PNMA6E: variants seen among roughly 807,000 people sequenced by gnomAD.
PNMA6E encodes paraneoplastic antigen Ma6E.
For synonymous variants in PNMA6E, 43 were observed against 17.1 expected (o/e 2.52, Z -3.74); for missense variants, 78 against 50.8 (o/e 1.53, Z -1.63).
the PNMA6E span, among the ~76,000 whole-genome samples, chrX:153,409,925 G>C: frequency 4.9e-4 from 55 of 112,317 alleles, no homozygotes; most frequent in African/African-American, 1.6e-3. Flanking sequence ...AGGTCCCCCC[G>C]CCCCCTGCCT....
the PNMA6E span, among the ~76,000 whole-genome samples, chrX:153,409,958 G>A: frequency 8.9e-6 from 1 of 112,623 alleles, no homozygotes; most frequent in Non-Finnish European, 1.9e-5. Context: ...AGGACTCTGG[G>A]CTCAGCCTAT....
upstream of PNMA6E, among the ~76,000 whole-genome samples, chrX:153,405,164 G>T (rs1556971950): frequency 8.9e-6 from 1 of 112,210 alleles, no homozygotes; most frequent in East Asian, 2.8e-4. Context: ...CCCTAAGCCG[G>T]AACCTCCCAG....
the PNMA6E span, among the ~76,000 whole-genome samples, chrX:153,411,227 T>C: frequency 8.9e-6 from 1 of 112,504 alleles, no homozygotes; most frequent in Middle Eastern, 4.2e-3. Flanking sequence ...GTCTAGCCCA[T>C]GGGAGGTGTT....
At chrX:153,409,758 A>G in the PNMA6E span, among the ~76,000 whole-genome samples, 1 of 111,189 alleles carries the variant, frequency 9.0e-6, no homozygotes, top group Non-Finnish European at 1.9e-5. Flanking sequence ...AGTGGGGTGC[A>G]CTCCCAGGGG....
At chrX:153,404,925 G>A (rs1429427352), upstream of PNMA6E, among the ~76,000 whole-genome samples, 2 of 112,438 alleles carry the variant, frequency 1.8e-5, no homozygotes, top group Admixed American at 1.9e-4. Context: ...ACCCCCTATG[G>A]TTTCTGCCTC....
chrX:153,407,548 G>T, the PNMA6E span, among the ~76,000 whole-genome samples: 1 of 110,946 alleles, frequency 9.0e-6, no homozygotes, highest in African/African-American at 3.3e-5. Context: ...ACTTTTTTAT[G>T]TTTTGTAGAG....
At chrX:153,398,984 T>G in intron 1 of PNMA6E, 64 bp from the exon 2 acceptor site, 1 of 294,270 alleles carries the variant, frequency 3.4e-6, no homozygotes. Context: ...CATCTGCCCC[T>G]ACGTGTGTGG....
the PNMA6E span, among the ~76,000 whole-genome samples, chrX:153,410,444 CA>C: frequency 1.8e-5 from 2 of 111,741 alleles, no homozygotes; most frequent in African/African-American, 3.3e-5. Context: ...GCTTGGGCAC[CA>C]GGACACACAG....
At chrX:153,403,367 T>G (rs2088863085), upstream of PNMA6E, among the ~76,000 whole-genome samples, 1 of 112,400 alleles carries the variant, frequency 8.9e-6, no homozygotes, top group South Asian at 3.7e-4. Context: ...GGTTCTTTAC[T>G]TACACTTGCA....
At chrX:153,401,043 C>T (rs1160612329) in intron 1 of PNMA6E, among the ~76,000 whole-genome samples, 3 of 109,642 alleles carry the variant, frequency 2.7e-5, no homozygotes, top group East Asian at 5.8e-4. Flanking sequence ...CCTTCCTTGG[C>T]GGGAAGCCCA....
upstream of PNMA6E, among the ~76,000 whole-genome samples, chrX:153,403,011 G>A (rs1452407643): frequency 1.8e-5 from 2 of 112,481 alleles, no homozygotes; most frequent in Non-Finnish European, 3.8e-5. Context: ...GCCTACACGT[G>A]TTTTTTCTTT....
At chrX:153,411,435 A>C in the PNMA6E span, among the ~76,000 whole-genome samples, 213 of 106,901 alleles carry the variant, frequency 2.0e-3, 1 homozygote, top group Admixed American at 4.6e-3. Flanking sequence ...CCCCCCCACA[A>C]CGCGCCCCGT....
chrX:153,410,735 C>T, the PNMA6E span, among the ~76,000 whole-genome samples: 2 of 113,143 alleles, frequency 1.8e-5, no homozygotes, highest in East Asian at 2.8e-4. Flanking sequence ...GCTCCCGCCT[C>T]GTGCTCAGTT....
chrX:153,411,454 T>TGCC, the PNMA6E span, among the ~76,000 whole-genome samples: 2 of 111,363 alleles, frequency 1.8e-5, no homozygotes, highest in Non-Finnish European at 3.8e-5. Flanking sequence ...GTTCCCACGC[T>TGCC]GCCGCCGCCC....
In PNMA6E at chrX:153,396,709, T is replaced by A; in HGVS notation, c.*197A>T. 3.6e-6 allele frequency: 1 copy of A among 278,686 alleles called. No homozygotes were observed. The highest frequency in any genetic ancestry group is 2.8e-5 in the African/African-American group (1 of 36,336). 23.0% of individuals were successfully genotyped at this position (278,686 alleles called of 1,213,427 possible). ...GGGTGCAAGGGAGCGGGGGGGCGCC[T>A]CTCCCCACCCCATTTTGTATCAAAC... is the stretch of plus-strand genomic sequence containing the variant. On this transcript the variant is annotated 3_prime_UTR_variant, in exon 2 of 2. Coordinates refer to ENST00000445091, the MANE Select transcript of PNMA6E (RefSeq NM_001367770.1).
chrX:153,401,886 G>A (rs1208735249), upstream of PNMA6E, among the ~76,000 whole-genome samples: 1 of 98,958 alleles, frequency 1.0e-5, no homozygotes, highest in Non-Finnish European at 2.0e-5. Flanking sequence ...CTGCAGTGGC[G>A]CAATTTCGGC....
chrX:153,413,878 G>A, the PNMA6E span, among the ~76,000 whole-genome samples: 1 of 112,553 alleles, frequency 8.9e-6, no homozygotes, highest in African/African-American at 3.2e-5. Context: ...TGCTCTGGGT[G>A]ACGGCTTGGT....
In PNMA6E at chrX:153,395,857, T is replaced by A. The variant is rs1241391236; in HGVS notation, c.*1049A>T. 2 of 110,652 alleles carry A rather than the reference T, an allele frequency of 1.8e-5. No individual in the cohort carries two copies. The highest frequency in any genetic ancestry group is 1.9e-4 in the Admixed American group (2 of 10,508). The allele number at this position is 110,652 out of a possible 1,213,427, so 9.1% of individuals were successfully genotyped here. A position where few individuals can be genotyped will look rare whatever the true frequency, so the allele number is the denominator to read the frequency against. On this transcript the variant is annotated 3_prime_UTR_variant, in exon 2 of 2. Transcript: ENST00000445091. ...TCCCGAGGGCCCCAGGGTCTGCCTT[T>A]TGCCAGGACAGTGGACTCTGGCAGT... is the stretch of plus-strand genomic sequence containing the variant.
upstream of PNMA6E, among the ~76,000 whole-genome samples, chrX:153,402,972 C>CT (rs1210264481): frequency 3.6e-4 from 41 of 112,872 alleles, no homozygotes; most frequent in African/African-American, 1.3e-3. Context: ...ACTCATTACT[C>CT]TTTGTTTTCG....
Sources: gnomAD v4.1 joint callset for allele counts (sites outside exome capture counted in the v4.1 genomes callset) on GRCh38, gnomAD v4.1.1 for gene constraint, MANE v1.5 for transcripts, NCBI Gene and HGNC (gene_info 2026-07-23, HGNC 2026-07-21) for gene names.